GRM7: variants seen among roughly 807,000 people sequenced by gnomAD.
GRM7 encodes glutamate metabotropic receptor 7.
A neutral mutation model predicts 84.5 loss-of-function variants in GRM7; 35 were observed. That is an observed-to-expected ratio of 0.41 (90% confidence interval 0.32 to 0.55). GRM7 has a LOEUF of 0.55. Among genes scored for constraint, GRM7 ranks in the 20% least tolerant of loss-of-function variants. GRM7 has a pLI of 0.19. For missense variants in GRM7, 1,003 were observed against 1,194.6 expected, an observed-to-expected ratio of 0.84 and a Z score of 2.36; for synonymous variants, 487 against 455.1, an observed-to-expected ratio of 1.07 and a Z score of -0.89.
At chr3:6,981,261 G>T (rs1694188440) in intron 1 of GRM7, among the ~76,000 whole-genome samples, 1 of 152,148 alleles carries the variant, frequency 6.6e-6, no homozygotes, top group Admixed American at 6.5e-5. Context: ...TTGGCTTTAA[G>T]AACTCTGTTA....
At chr3:7,387,050 G>A (rs1559285870) in intron 4 of GRM7, among the ~76,000 whole-genome samples, 1 of 152,028 alleles carries the variant, frequency 6.6e-6, no homozygotes, top group East Asian at 1.9e-4. Flanking sequence ...AAGTTTATTG[G>A]CCATGTTTAT....
intron 2 of GRM7, among the ~76,000 whole-genome samples, chr3:7,167,441 T>C (rs1161227961): frequency 2.6e-5 from 4 of 152,196 alleles, no homozygotes; most frequent in Non-Finnish European, 5.9e-5. Context: ...TAGAGTCCTT[T>C]GGTTGCCAAA....
intron 1 of GRM7, among the ~76,000 whole-genome samples, chr3:7,104,194 A>G (rs1235482438): frequency 6.6e-6 from 1 of 151,160 alleles, no homozygotes; most frequent in African/African-American, 2.4e-5. Context: ...CTAAGTATTT[A>G]TTGGGAAAAG....
At chr3:7,417,753 C>G (rs1258243507) in intron 5 of GRM7, among the ~76,000 whole-genome samples, 2 of 152,048 alleles carry the variant, frequency 1.3e-5, no homozygotes, top group African/African-American at 4.8e-5. Flanking sequence ...GATGTGAGCA[C>G]AAATTAAAAT....
intron 1 of GRM7, among the ~76,000 whole-genome samples, chr3:6,940,386 G>A (rs996009847): frequency 9.9e-5 from 15 of 152,032 alleles, no homozygotes; most frequent in Non-Finnish European, 2.1e-4. Flanking sequence ...CACTGCGCCC[G>A]GCCCGTTTTT....
At chr3:7,394,208 C>T (rs1181640030) in intron 4 of GRM7, among the ~76,000 whole-genome samples, 1 of 152,178 alleles carries the variant, frequency 6.6e-6, no homozygotes. Flanking sequence ...TAACTTCTTG[C>T]TCTGTTTTGA....
intron 8 of GRM7, among the ~76,000 whole-genome samples, chr3:7,671,068 G>A (rs1056089790): frequency 3.9e-5 from 6 of 152,164 alleles, no homozygotes; most frequent in Non-Finnish European, 8.8e-5. Context: ...ATAGTACCTG[G>A]TATTGGCTAC....
intron 1 of GRM7, among the ~76,000 whole-genome samples, chr3:7,051,617 A>G (rs994199047): frequency 6.6e-6 from 1 of 151,760 alleles, no homozygotes; most frequent in Non-Finnish European, 1.5e-5. Flanking sequence ...AAAGTGTCCA[A>G]AGGAATTGGT....
intron 8 of GRM7, among the ~76,000 whole-genome samples, chr3:7,649,206 A>G (rs1270725327): frequency 2.6e-5 from 4 of 151,740 alleles, no homozygotes; most frequent in Non-Finnish European, 4.4e-5. Flanking sequence ...AGTAGCTGGG[A>G]CTACAGGCAC....
intron 2 of GRM7, among the ~76,000 whole-genome samples, chr3:7,290,909 C>T (rs1032754114): frequency 6.6e-6 from 1 of 152,062 alleles, no homozygotes; most frequent in African/African-American, 2.4e-5. Flanking sequence ...ATCAAGAACC[C>T]TGTATCTTAA....
intron 8 of GRM7, among the ~76,000 whole-genome samples, chr3:7,611,443 A>T (rs1015829887): frequency 6.6e-6 from 1 of 152,152 alleles, no homozygotes; most frequent in African/African-American, 2.4e-5. Flanking sequence ...GATACCTGTC[A>T]TCCCTCCGTT....
At chr3:7,327,849 A>G (rs955606293) in intron 4 of GRM7, among the ~76,000 whole-genome samples, 1 of 152,328 alleles carries the variant, frequency 6.6e-6, no homozygotes, top group East Asian at 1.9e-4. Context: ...TTCAAAAGCA[A>G]CCATTTATTG....
rs1699625564 is a variant in GRM7 at position 7,291,532 on chromosome 3, CTCTCTCTCTCTCTCTCTCT to C, written c.737-7151_737-7133del. On this transcript the variant is annotated intron_variant, in intron 2 of 9. Transcript: ENST00000357716. The stretch of plus-strand genomic sequence containing the variant: ...TCTCTCTCTCTCTCTCTCTCTCTCT[CTCTCTCTCTCTCTCTCTCT>C]CTCAATCCCTCCGTCTGTCTATTTT... 3.7e-5 allele frequency among the ~76,000 whole-genome samples: 5 copies of C among 134,816 alleles called. No homozygotes were observed. In the South Asian group the frequency reaches 1.2e-3, roughly 32 times the overall value. The allele number at this position is 134,816 out of a possible 152,430, so 88.4% of individuals were successfully genotyped here.
At chr3:7,354,471 A>G (rs974279248) in intron 4 of GRM7, among the ~76,000 whole-genome samples, 3 of 152,148 alleles carry the variant, frequency 2.0e-5, no homozygotes, top group Non-Finnish European at 4.4e-5. Context: ...TGGTCACCTA[A>G]CAGTGAGGGA....
At chr3:7,438,049 A>T (rs959426101) in intron 5 of GRM7, among the ~76,000 whole-genome samples, 1 of 152,132 alleles carries the variant, frequency 6.6e-6, no homozygotes, top group African/African-American at 2.4e-5. Flanking sequence ...GTCAGATTAC[A>T]CTGAGCCTCG....
intron 2 of GRM7, among the ~76,000 whole-genome samples, chr3:7,268,752 C>G (rs982156349): frequency 6.6e-6 from 1 of 152,208 alleles, no homozygotes; most frequent in Non-Finnish European, 1.5e-5. Flanking sequence ...CTGGCTAAAA[C>G]TGGCCAATTT....
intron 2 of GRM7, among the ~76,000 whole-genome samples, chr3:7,195,564 A>G (rs1233410278): frequency 2.6e-5 from 4 of 152,190 alleles, no homozygotes; most frequent in Non-Finnish European, 4.4e-5. Context: ...GCTGGGAGCC[A>G]TGGAATTAAA....
At chr3:7,048,868 C>T (rs575295413) in intron 1 of GRM7, among the ~76,000 whole-genome samples, 3 of 151,868 alleles carry the variant, frequency 2.0e-5, no homozygotes, top group Admixed American at 6.6e-5. Context: ...CACTTCCTCA[C>T]CCCCGGTAAC....
At chr3:6,923,191 T>A (rs1481198895) in intron 1 of GRM7, among the ~76,000 whole-genome samples, 2 of 152,036 alleles carry the variant, frequency 1.3e-5, no homozygotes, top group Non-Finnish European at 2.9e-5. Context: ...ATTTTTGTAT[T>A]TTTAGTAGAG....
Sources: gnomAD v4.1 joint callset for allele counts (sites outside exome capture counted in the v4.1 genomes callset) on GRCh38, gnomAD v4.1.1 for gene constraint, MANE v1.5 for transcripts, NCBI Gene and HGNC (gene_info 2026-07-23, HGNC 2026-07-21) for gene names.